Variants in RPTOR observed in about 807,000 individuals in gnomAD.
The protein encoded by RPTOR is regulatory associated protein of MTOR complex 1.
RPTOR carries 21 observed loss-of-function variants against 169.9 expected under a neutral mutation model. That is an observed-to-expected ratio of 0.12 (90% CI 0.09 to 0.18). The LOEUF (loss-of-function observed/expected upper bound fraction) is 0.18. Among genes scored for constraint, RPTOR ranks in the 10% least tolerant of loss-of-function variants. The pLI is 1.00. For missense variants in RPTOR, 1,133 were observed against 1,855.9 expected, an observed-to-expected ratio of 0.61 and a Z score of 7.16; for synonymous variants, 732 against 753.2, an observed-to-expected ratio of 0.97 and a Z score of 0.46.
intron 13 of RPTOR, among the ~76,000 whole-genome samples, chr17:80,863,386 G>A (rs148545290): frequency 1.1e-4 from 16 of 152,194 alleles, no homozygotes; most frequent in East Asian, 5.8e-4. Context: ...AATATGACCC[G>A]TAATGAAGAA....
intron 13 of RPTOR, among the ~76,000 whole-genome samples, chr17:80,874,827 G>A (rs577077350): frequency 3.9e-5 from 6 of 152,240 alleles, no homozygotes; most frequent in African/African-American, 1.4e-4. Context: ...ACCACCGAAG[G>A]CTCACTCAGG....
In RPTOR at chr17:80,844,090, C is replaced by T. The variant is rs1323890592; in HGVS notation, c.1213-2383C>T. Among the ~76,000 whole-genome samples the T allele has an allele frequency of 2.0e-5, 3 of 152,138 alleles. No individual in the cohort carries two copies. The highest frequency in any genetic ancestry group is 1.3e-4 in the Admixed American group (2 of 15,276). Reference sequence around the variant, plus strand: ...GCTCTTCATGGGGTGGAGAAAATCTCAGAGATTTGGCCCAAAACATCAGCC... The same window carrying T: ...GCTCTTCATGGGGTGGAGAAAATCTTAGAGATTTGGCCCAAAACATCAGCC... On this transcript the variant is annotated intron_variant, in intron 10 of 33. Transcript: ENST00000306801. This position sits in a 1 kb window ranked among gnomAD's most constrained non-coding sequence, Gnocchi z 4.7.
rs367627595 is a variant in RPTOR at position 80,799,333 on chromosome 17, C to A, written c.890+7824C>A. Among the ~76,000 whole-genome samples the A allele has an allele frequency of 2.2e-4, 33 of 152,378 alleles. No individual in the cohort carries two copies. In the East Asian group the frequency reaches 6.0e-3, roughly 28 times the overall value. On this transcript the variant is annotated intron_variant, in intron 7 of 33. Transcript: ENST00000306801. ...CAGCACCTAGAACACACGTGTGTGA[C>A]ATCTCGAGTGACGCACATTCGGAAC...
intron 1 of RPTOR, among the ~76,000 whole-genome samples, chr17:80,620,713 C>G (rs1456655995): frequency 1.3e-5 from 2 of 152,216 alleles, no homozygotes; most frequent in Non-Finnish European, 2.9e-5. Flanking sequence ...TTGCGGTGAG[C>G]CGAGATCGTG....
In RPTOR at chr17:80,837,988, T is replaced by C; in HGVS notation, c.1203T>C (p.Thr401=). 6.2e-7 allele frequency: 1 copy of C among 1,609,772 alleles called. No homozygotes were observed. Among genetic ancestry groups the C allele is most frequent in the Non-Finnish European group, 8.5e-7 (1 of 1,177,932 alleles). ...TGCCGACGATCATCGAGGAAGGCAC[T>C]GCGTTTCGGGTGAGTCCCTCCAAGG... ...SQLPTIIEEG[T]AFRHSPFFAE... Residue 401 remains threonine, a synonymous_variant, in exon 10 of 34, where the codon ACT becomes ACC. Transcript: ENST00000306801.
intron 7 of RPTOR, among the ~76,000 whole-genome samples, chr17:80,812,622 TG>T (rs1283811295): frequency 6.6e-6 from 1 of 152,050 alleles, no homozygotes; most frequent in Non-Finnish European, 1.5e-5. Context: ...CCAAGAGAGG[TG>T]GCCCCAAACG....
In RPTOR at chr17:80,755,738, C is replaced by CAA. The variant is rs77078803; in HGVS notation, c.830+1572_830+1573dup. On this transcript the variant is annotated intron_variant, in intron 6 of 33. Transcript: ENST00000306801. ...TGGGTGACGGAGCAAGACCCTGTCT[C>CAA]AAAAAAAAAAAAAAAAAAAAGAAAC... 3.2e-3 allele frequency among the ~76,000 whole-genome samples: 253 copies of CAA among 80,028 alleles called. 1 individual carries two copies. Among genetic ancestry groups the CAA allele is most frequent in the East Asian group, 0.018 (60 of 3,318 alleles). 52.5% of individuals were successfully genotyped at this position (80,028 alleles called of 152,430 possible). A position where few individuals can be genotyped will look rare whatever the true frequency, so the allele number is the denominator to read the frequency against.
Position 80,861,922 on chromosome 17 carries a change from G to T in RPTOR, c.1509+4022G>T, listed in dbSNP as rs552966453. 3.2e-4 allele frequency among the ~76,000 whole-genome samples: 48 copies of T among 152,284 alleles called. No individual in the cohort carries two copies. The highest frequency in any genetic ancestry group is 1.1e-3 in the African/African-American group (46 of 41,562). On this transcript the variant is annotated intron_variant, in intron 13 of 33. Coordinates refer to ENST00000306801, the MANE Select transcript of RPTOR (RefSeq NM_020761.3). The surrounding 1 kb of genome is among the most constrained non-coding windows in gnomAD (Gnocchi z 4.5). Reference sequence around the variant, plus strand: ...CTCACTGCATCCACAGCCCATCATGGTATTGCAGTGCAGGGCGTCTTGTTT... The same window carrying T: ...CTCACTGCATCCACAGCCCATCATGTTATTGCAGTGCAGGGCGTCTTGTTT...
intron 13 of RPTOR, among the ~76,000 whole-genome samples, chr17:80,879,042 C>T (rs572603147): frequency 5.8e-4 from 89 of 152,192 alleles, no homozygotes; most frequent in South Asian, 2.9e-3. Flanking sequence ...GACTTCTCAT[C>T]TTAGAAGCCT....
At chr17:80,911,522 C>G (rs1395439233) in intron 21 of RPTOR, among the ~76,000 whole-genome samples, 3 of 152,168 alleles carry the variant, frequency 2.0e-5, no homozygotes, top group Non-Finnish European at 2.9e-5. Flanking sequence ...TGGCTCACAC[C>G]TGTAATCCCA....
In RPTOR at chr17:80,880,412, C is replaced by T; in HGVS notation, c.1510-3C>T. The T allele has an allele frequency of 6.2e-7, 1 of 1,613,738 alleles. No individual in the cohort carries two copies. Among genetic ancestry groups the T allele is most frequent in the Non-Finnish European group, 8.5e-7 (1 of 1,179,896 alleles). ...TGCCTCTCCTCTGTCTCTTTCTGTC[C>T]AGTCGTGCCAAGCGGACCTCGTGAA... On this transcript the variant is annotated splice_polypyrimidine_tract_variant and splice_region_variant and intron_variant, in intron 13 of 33. Transcript: ENST00000306801.
At chr17:80,767,790 G>C (rs1387093055) in intron 6 of RPTOR, among the ~76,000 whole-genome samples, 1 of 152,138 alleles carries the variant, frequency 6.6e-6, no homozygotes, top group Non-Finnish European at 1.5e-5. Context: ...CAAATTTTAT[G>C]CACCTGGGGC....
rs1419910647 is a variant in RPTOR, at chr17:80,849,899, C to T, written c.1314+3325C>T. On this transcript the variant is annotated intron_variant, in intron 11 of 33. Coordinates refer to ENST00000306801, the MANE Select transcript of RPTOR (RefSeq NM_020761.3). ...TGCCCTCTGGCTTCGGCAGCTCGCC[C>T]GGAACTCAGTGCTGTGTGCCCCCAA... Among the ~76,000 whole-genome samples, 9 of 152,322 alleles carry T rather than the reference C, an allele frequency of 5.9e-5. No homozygotes were observed. In the East Asian group the frequency reaches 1.2e-3, roughly 20 times the overall value.
At chr17:80,703,083 G>A (rs1210052317) in intron 3 of RPTOR, among the ~76,000 whole-genome samples, 1 of 152,136 alleles carries the variant, frequency 6.6e-6, no homozygotes, top group African/African-American at 2.4e-5. Flanking sequence ...GATCAGCACC[G>A]TGGCTTGTTC....
chr17:80,824,475 A>C (rs896510578), intron 9 of RPTOR, among the ~76,000 whole-genome samples: 2 of 152,268 alleles, frequency 1.3e-5, no homozygotes, highest in African/African-American at 4.8e-5. Flanking sequence ...ATAAATACTT[A>C]GAGCATTTTT....
At chr17:80,709,105 A>G in intron 4 of RPTOR, 9 of 985,444 alleles carry the variant, frequency 9.1e-6, no homozygotes, top group Non-Finnish European at 1.1e-5. Context: ...CAGCCTCGGA[A>G]GTTAGAAAGG....
intron 1 of RPTOR, among the ~76,000 whole-genome samples, chr17:80,569,968 C>T (rs2064885968): frequency 6.6e-6 from 1 of 152,146 alleles, no homozygotes; most frequent in Non-Finnish European, 1.5e-5. Flanking sequence ...TGGAGTCTCA[C>T]CAGCAGCACG....
intron 11 of RPTOR, among the ~76,000 whole-genome samples, chr17:80,854,251 G>A (rs1344889918): frequency 6.6e-6 from 1 of 152,230 alleles, no homozygotes; most frequent in African/African-American, 2.4e-5. Context: ...ATATGGGCTA[G>A]TATTGTCCCA....
chr17:80,866,736 G>C (rs1169749153), intron 13 of RPTOR, among the ~76,000 whole-genome samples: 2 of 152,050 alleles, frequency 1.3e-5, no homozygotes, highest in African/African-American at 2.4e-5. Flanking sequence ...TCATTAATCT[G>C]AATAGCACTA....
Sources: allele counts gnomAD v4.1 joint callset (sites outside exome capture counted in the v4.1 genomes callset), GRCh38; gene constraint gnomAD v4.1.1; non-coding constraint Gnocchi (gnomAD v3.1); transcripts MANE v1.5; gene names NCBI Gene and HGNC (gene_info 2026-07-23, HGNC 2026-07-21).